UBR1: variants seen among roughly 807,000 people sequenced by gnomAD.
UBR1 encodes ubiquitin protein ligase E3 component n-recognin 1.
In UBR1, 102 loss-of-function variants were observed where a neutral mutation model predicts 242.1. The observed-to-expected ratio is 0.42, with a 90% CI of 0.36 to 0.50. The LOEUF (loss-of-function observed/expected upper bound fraction) is 0.50. Among genes scored for constraint, UBR1 ranks in the 20% least tolerant of loss-of-function variants. The pLI is 0.01. For missense variants in UBR1, 1,772 were observed against 2,101.8 expected, an observed-to-expected ratio of 0.84 and a Z score of 3.07; for synonymous variants, 675 against 684.8, an observed-to-expected ratio of 0.99 and a Z score of 0.22.
rs2032065778 is a variant in UBR1 at position 42,964,036 on chromosome 15, T to C, written c.4599A>G (p.Ala1533=). 6 of 1,604,058 alleles carry C rather than the reference T, an allele frequency of 3.7e-6. No homozygotes were observed. The South Asian group carries it at 5.5e-5, about 15-fold the overall frequency. ...TPPEELHTNS[A]EGEYSALCSY... ...TACAGAGTGCACTGTACTCTCCTTC[T>C]GCAGAATCTGCAAGAGAATAAAAAT... The change falls in exon 42 of 47, where the codon GCA becomes GCG. Residue 1533 remains alanine (A), a synonymous_variant. Transcript: ENST00000290650.
At chr15:42,961,088 CTTCT>C (rs888552806) in intron 42 of UBR1, among the ~76,000 whole-genome samples, 166 of 146,742 alleles carry the variant, frequency 1.1e-3, no homozygotes, top group African/African-American at 4.1e-3. Flanking sequence ...CTTTCTGTCC[CTTCT>C]TTCTATTTCT....
At chr15:42,952,888 T>C (rs1472133817) in intron 44 of UBR1, among the ~76,000 whole-genome samples, 1 of 152,134 alleles carries the variant, frequency 6.6e-6, no homozygotes, top group Non-Finnish European at 1.5e-5. Flanking sequence ...AAATTAAAAT[T>C]TACAGTAAGG....
At chr15:43,045,505 C>T (rs992077364) in intron 14 of UBR1, among the ~76,000 whole-genome samples, 2 of 152,106 alleles carry the variant, frequency 1.3e-5, no homozygotes, top group African/African-American at 4.8e-5. Context: ...CAGACACACA[C>T]GTGTAAGATC....
rs537332577 is a variant in UBR1, at chr15:42,968,450, C to G, written c.4457+2070G>C. Reference sequence around the variant, plus strand: ...ATGTTGCCCAGGGTGGTCTCAAACTCCTGGGCTCAAGCAATCCTCCTGCCT... The same window carrying G: ...ATGTTGCCCAGGGTGGTCTCAAACTGCTGGGCTCAAGCAATCCTCCTGCCT... On this transcript the variant is annotated intron_variant, in intron 40 of 46. Coordinates refer to ENST00000290650, the MANE Select transcript of UBR1 (RefSeq NM_174916.3). Among the ~76,000 whole-genome samples the G allele has an allele frequency of 3.3e-5, 5 of 151,248 alleles. No individual in the cohort carries two copies. The South Asian group carries it at 1.0e-3, about 32-fold the overall frequency.
In UBR1 at chr15:43,001,841, T is replaced by C. The variant is rs948103266; in HGVS notation, c.3659+714A>G. On this transcript the variant is annotated intron_variant, in intron 32 of 46. Transcript: ENST00000290650. ...ACATTTGTCCATATCTCTAGAGCTA[T>C]AGCATTTGGATCTTCAGAAAAATGA... 2.6e-5 allele frequency among the ~76,000 whole-genome samples: 4 copies of C among 152,192 alleles called. No homozygotes were observed. The East Asian group carries it at 7.7e-4, about 29-fold the overall frequency.
chr15:43,032,702 C>T (rs1405760788), intron 19 of UBR1, 71 bp from the exon 20 acceptor site: 34 of 929,988 alleles, frequency 3.7e-5, no homozygotes, highest in South Asian at 2.7e-4. Flanking sequence ...CATTTCTGGA[C>T]GAGACTCATG....
intron 29 of UBR1, among the ~76,000 whole-genome samples, chr15:43,011,434 G>A (rs557608192): frequency 6.6e-6 from 1 of 152,240 alleles, no homozygotes; most frequent in East Asian, 1.9e-4. Flanking sequence ...AAGTCAGTAA[G>A]ACAAGAGGAA....
intron 10 of UBR1, among the ~76,000 whole-genome samples, 154 bp from the exon 11 acceptor site, chr15:43,056,596 A>G (rs2033622592): frequency 6.6e-6 from 1 of 152,232 alleles, no homozygotes; most frequent in African/African-American, 2.4e-5. Flanking sequence ...ATCAGCAAAA[A>G]TATCTTAGAA....
chr15:43,020,933 GTTTA>G (rs1249201140), intron 27 of UBR1: 7 of 263,574 alleles, frequency 2.7e-5, no homozygotes, highest in East Asian at 1.0e-4. Flanking sequence ...TGATATTTTT[GTTTA>G]TTTATTTGTT....
chr15:43,071,535 A>G (rs2033825072), intron 4 of UBR1, among the ~76,000 whole-genome samples: 1 of 152,210 alleles, frequency 6.6e-6, no homozygotes, highest in South Asian at 2.1e-4. Context: ...TTACACAACA[A>G]TGTGAATATA....
At chr15:43,043,669 A>C (rs180723799) in intron 14 of UBR1, among the ~76,000 whole-genome samples, 71 of 151,854 alleles carry the variant, frequency 4.7e-4, no homozygotes, top group African/African-American at 1.6e-3. Flanking sequence ...CTGGTTTTGA[A>C]CTCCGGGGCT....
chr15:43,041,800 A>T (rs928600933), intron 15 of UBR1, among the ~76,000 whole-genome samples: 5 of 152,200 alleles, frequency 3.3e-5, no homozygotes, highest in Non-Finnish European at 7.4e-5. Context: ...AACACTTAAT[A>T]TCTAGAATTA....
At chr15:43,010,968 C>T (rs995503285) in intron 29 of UBR1, among the ~76,000 whole-genome samples, 33 of 151,834 alleles carry the variant, frequency 2.2e-4, no homozygotes, top group African/African-American at 4.8e-4. Flanking sequence ...CCAGTCTAGG[C>T]GACAAAGCAA....
intron 19 of UBR1, among the ~76,000 whole-genome samples, chr15:43,033,415 G>A (rs2033284137): frequency 6.6e-6 from 1 of 152,144 alleles, no homozygotes; most frequent in Non-Finnish European, 1.5e-5. Context: ...GGAGGCCAAG[G>A]CATGTGGATC....
At chr15:42,955,904 A>G (rs1228299867) in intron 44 of UBR1, among the ~76,000 whole-genome samples, 2 of 152,240 alleles carry the variant, frequency 1.3e-5, no homozygotes, top group African/African-American at 4.8e-5. Flanking sequence ...CTAATAGGTA[A>G]GTCACACACA....
At chr15:42,950,455 C>A in intron 45 of UBR1, 92 bp from the exon 46 acceptor site, 1 of 1,041,522 alleles carries the variant, frequency 9.6e-7, no homozygotes, top group Non-Finnish European at 1.5e-6. Context: ...AAGACGTGGC[C>A]AATATCTGTT....
At chr15:42,997,263 G>A (rs562512023) in intron 33 of UBR1, among the ~76,000 whole-genome samples, 1 of 152,244 alleles carries the variant, frequency 6.6e-6, no homozygotes, top group African/African-American at 2.4e-5. Flanking sequence ...TGTCTCCCAT[G>A]ACCCCCAGAT....
chr15:43,027,725 G>A, intron 22 of UBR1, 51 bp downstream of exon 22: 1 of 1,545,670 alleles, frequency 6.5e-7, no homozygotes, highest in Non-Finnish European at 8.9e-7. Context: ...CAAAGTACAA[G>A]AACAAAGATC....
Position 43,003,869 on chromosome 15 carries a change from A to G in UBR1, c.3477T>C (p.Cys1159=). Residue 1159 remains cysteine (C), a synonymous_variant, in exon 31 of 47, where the codon TGT becomes TGC. Transcript: ENST00000290650. ...AGCACACTGCGTGCATTACATGACCACAGCTTCCTGTATAAGTTCCATATG... is the reference window on the plus strand; with the variant it reads ...AGCACACTGCGTGCATTACATGACCGCAGCTTCCTGTATAAGTTCCATATG... ...DLAYGTYTGS[C]GHVMHAVCWQ... The G allele has an allele frequency of 6.2e-7, 1 of 1,614,130 alleles. No homozygotes were observed. Among genetic ancestry groups the G allele is most frequent in the Non-Finnish European group, 8.5e-7 (1 of 1,180,008 alleles).
Sources: gnomAD v4.1 joint callset for allele counts (sites outside exome capture counted in the v4.1 genomes callset) on GRCh38, gnomAD v4.1.1 for gene constraint, MANE v1.5 for transcripts, NCBI Gene and HGNC (gene_info 2026-07-23, HGNC 2026-07-21) for gene names.